The following FARP2 variants were observed in gnomAD, a reference collection of about 807,000 sequenced individuals.
FARP2 encodes FERM, ARHGEF and pleckstrin domain-containing protein 2.
Under a neutral mutation model 130.5 loss-of-function variants are expected in FARP2, and 111 were observed. The ratio of observed to expected loss-of-function variants is 0.85; its 90% CI spans 0.73 to 1.00. The LOEUF (loss-of-function observed/expected upper bound fraction) is 1.00, where lower values mean the gene tolerates loss of function less well. FARP2 is among the 50% of genes least tolerant of loss of function. FARP2 has a pLI of 0.00. For missense variants in FARP2, 1,385 were observed against 1,346.3 expected (o/e 1.03, Z -0.45); for synonymous variants, 504 against 516.9 (o/e 0.98, Z 0.34).
At chr2:241,474,876 C>A (rs894615611) in intron 18 of FARP2, among the ~76,000 whole-genome samples, 5 of 151,876 alleles carry the variant, frequency 3.3e-5, no homozygotes, top group Non-Finnish European at 7.4e-5. Flanking sequence ...ATGAGTGATT[C>A]CAGCAAGGAG....
chr2:241,364,633 C>A (rs1479969479), intron 1 of FARP2, among the ~76,000 whole-genome samples: 2 of 151,916 alleles, frequency 1.3e-5, no homozygotes, highest in African/African-American at 2.4e-5. Flanking sequence ...AAAGTCTTGG[C>A]AAGAAAACAG....
At chr2:241,411,515 G>C (rs2062518131) in intron 6 of FARP2, among the ~76,000 whole-genome samples, 1 of 152,174 alleles carries the variant, frequency 6.6e-6, no homozygotes, top group Non-Finnish European at 1.5e-5. Flanking sequence ...TCTCAGATTA[G>C]TAAAGCATTA....
At chr2:241,416,314 A>T (rs546301045) in intron 7 of FARP2, among the ~76,000 whole-genome samples, 16 of 152,176 alleles carry the variant, frequency 1.1e-4, no homozygotes, top group African/African-American at 3.9e-4. Flanking sequence ...TTCATACGGG[A>T]ATACAGTTGA....
rs772538104 is a variant in FARP2 at position 241,491,548 on chromosome 2, T to A, written c.2656T>A (p.Ser886Thr). Reference protein sequence around the residue: ...SPNEVSLEQESEDDARGVRSS... With the variant: ...SPNEVSLEQETEDDARGVRSS... ...CAACGAGGTATCTCTGGAGCAGGAG[T>A]CAGAAGATGATGCTCGGGGTGTCCG... Residue 886 changes from serine (S) to threonine (T), a missense_variant, in exon 24 of 27, where the codon TCA (serine) becomes ACA (threonine). Transcript: ENST00000264042. 6.2e-7 allele frequency: 1 copy of A among 1,613,346 alleles called. No individual in the cohort carries two copies. Among genetic ancestry groups the A allele is most frequent in the African/African-American group, 1.3e-5 (1 of 74,922 alleles).
At position 241,456,933 on chromosome 2, in the gene FARP2, C is replaced by T. The variant is rs376066307; in HGVS notation, c.1587+11C>T. 23 of 1,576,122 alleles carry T rather than the reference C, an allele frequency of 1.5e-5. No individual in the cohort carries two copies. The highest frequency in any genetic ancestry group is 7.4e-5 in the Admixed American group (4 of 54,270). ...GAGCCCAGACACAAGGTGGGCCCCTCGAGGCTGAGAAGCTAGCAGAGGGTT... is the reference window on the plus strand; with the variant it reads ...GAGCCCAGACACAAGGTGGGCCCCTTGAGGCTGAGAAGCTAGCAGAGGGTT... On this transcript the variant is annotated intron_variant, in intron 14 of 26. Transcript: ENST00000264042.
At chr2:241,393,182 G>A (rs188060807) in intron 2 of FARP2, among the ~76,000 whole-genome samples, 1 of 151,810 alleles carries the variant, frequency 6.6e-6, no homozygotes, top group East Asian at 2.0e-4. Context: ...ACCACACCCG[G>A]CTAATTTTTG....
chr2:241,427,692 T>C (rs1276985900), intron 8 of FARP2, among the ~76,000 whole-genome samples: 2 of 152,162 alleles, frequency 1.3e-5, no homozygotes, highest in African/African-American at 4.8e-5. Context: ...GGAGCAGTTA[T>C]TTGGGGGCCT....
At chr2:241,432,401 C>T (rs1347317923) in intron 9 of FARP2, among the ~76,000 whole-genome samples, 1 of 152,164 alleles carries the variant, frequency 6.6e-6, no homozygotes, top group African/African-American at 2.4e-5. Flanking sequence ...ATCTGACAAG[C>T]TCCTAGGGGT....
At chr2:241,360,178 T>G (rs1261269167) in intron 1 of FARP2, among the ~76,000 whole-genome samples, 1 of 152,160 alleles carries the variant, frequency 6.6e-6, no homozygotes, top group Non-Finnish European at 1.5e-5. Context: ...CCCTAAGCAT[T>G]TAGACTTGCC....
chr2:241,453,482 C>T (rs1295348454), intron 13 of FARP2, among the ~76,000 whole-genome samples: 18 of 151,644 alleles, frequency 1.2e-4, no homozygotes, highest in African/African-American at 3.6e-4. Flanking sequence ...ATTAGCCAGG[C>T]ATGGTGGTGG....
At chr2:241,409,421 G>A (rs1169273232) in intron 5 of FARP2, among the ~76,000 whole-genome samples, 2 of 152,022 alleles carry the variant, frequency 1.3e-5, no homozygotes, top group Admixed American at 6.6e-5. Context: ...ATGGTGGCAT[G>A]CACCTGTAGT....
intron 13 of FARP2, 64 bp downstream of exon 13, chr2:241,441,620 G>A (rs958458670): frequency 1.2e-6 from 2 of 1,611,320 alleles, no homozygotes; most frequent in South Asian, 1.1e-5. Flanking sequence ...CAGAGTTTCA[G>A]TGCCTTAGAC....
rs75958405 is a variant in FARP2 at position 241,410,743 on chromosome 2, T to A, written c.411-290T>A. 1.0e-3 allele frequency among the ~76,000 whole-genome samples: 155 copies of A among 152,302 alleles called. 2 individuals carry two copies. In the East Asian group the frequency reaches 0.024, roughly 24 times the overall value. On this transcript the variant is annotated intron_variant, in intron 5 of 26. Coordinates refer to ENST00000264042, the MANE Select transcript of FARP2 (RefSeq NM_014808.4). Reference sequence around the variant, plus strand: ...TCGCCCCTGGCCAATTTCTTTTTTTTATTGTTCACATCAGAGTGCCTTAGT... The same window carrying A: ...TCGCCCCTGGCCAATTTCTTTTTTTAATTGTTCACATCAGAGTGCCTTAGT...
chr2:241,372,470 C>T (rs1283189359), intron 1 of FARP2: 1 of 152,176 alleles, frequency 6.6e-6, no homozygotes, highest in Non-Finnish European at 1.5e-5. Context: ...CAAAGACAAA[C>T]CTGGCTGTTT....
At chr2:241,465,969 T>G (rs1279794917) in intron 17 of FARP2, 3 of 1,409,376 alleles carry the variant, frequency 2.1e-6, no homozygotes, top group Middle Eastern at 2.6e-4. Context: ...AAAGTTCTAC[T>G]TATCCCAAAG....
chr2:241,424,696 G>A (rs2062887566), intron 8 of FARP2, among the ~76,000 whole-genome samples: 1 of 151,774 alleles, frequency 6.6e-6, no homozygotes, highest in African/African-American at 2.4e-5. Context: ...TAATAAAATA[G>A]ACTGCTAGCT....
At chr2:241,437,687 C>T (rs1406315469) in intron 12 of FARP2, among the ~76,000 whole-genome samples, 5 of 97,154 alleles carry the variant, frequency 5.1e-5, no homozygotes, top group Non-Finnish European at 1.2e-4. Flanking sequence ...TTTTTTGAGA[C>T]GGAGTCTTGC....
At chr2:241,429,590 C>T (rs2063041098) in intron 8 of FARP2, among the ~76,000 whole-genome samples, 1 of 152,062 alleles carries the variant, frequency 6.6e-6, no homozygotes, top group South Asian at 2.1e-4. Context: ...GCCAGCTTTT[C>T]TGTATACAAA....
At chr2:241,460,902 G>A (rs2063997906) in intron 14 of FARP2, among the ~76,000 whole-genome samples, 1 of 152,144 alleles carries the variant, frequency 6.6e-6, no homozygotes, top group African/African-American at 2.4e-5. Context: ...CTGGGCACTG[G>A]AGGGCTCTAG....
Sources: gnomAD v4.1 joint callset for allele counts (sites outside exome capture counted in the v4.1 genomes callset) on GRCh38, gnomAD v4.1.1 for gene constraint, MANE v1.5 for transcripts, NCBI Gene and HGNC (gene_info 2026-07-23, HGNC 2026-07-21) for gene names.